SPATC1: variants seen among roughly 807,000 people sequenced by gnomAD.
SPATC1 encodes spermatogenesis and centriole associated 1.
A neutral mutation model predicts 36.5 loss-of-function variants in SPATC1; 35 were observed. That is an observed-to-expected ratio of 0.96 (90% CI 0.73 to 1.27). The LOEUF is 1.27. Ranked by LOEUF, SPATC1 falls within the 50% of genes most tolerant of loss-of-function variation. SPATC1 has a pLI of 0.00. For synonymous variants in SPATC1, 361 were observed against 353.6 expected, an observed-to-expected ratio of 1.02 and a Z score of -0.24; for missense variants, 779 against 796.0, an observed-to-expected ratio of 0.98 and a Z score of 0.26.
chr8:144,032,581 A>G (rs1469408105), intron 1 of SPATC1, among the ~76,000 whole-genome samples: 4 of 151,720 alleles, frequency 2.6e-5, no homozygotes, highest in Non-Finnish European at 4.4e-5. Flanking sequence ...TGGCATTTTG[A>G]ATGCTTTTTA....
intron 1 of SPATC1, among the ~76,000 whole-genome samples, chr8:144,024,838 T>TAAGGACCTTCTC (rs1834642290): frequency 2.1e-5 from 3 of 144,172 alleles, no homozygotes; most frequent in African/African-American, 5.5e-5. Context: ...AGGACCCTCT[T>TAAGGACCTTCTC]TCCTGAGGAA....
At chr8:144,036,564 T>C (rs925542503) in intron 1 of SPATC1, among the ~76,000 whole-genome samples, 5 of 152,202 alleles carry the variant, frequency 3.3e-5, no homozygotes, top group African/African-American at 9.6e-5. Context: ...ACTCAAGCAA[T>C]CTGCCCATCT....
intron 1 of SPATC1, among the ~76,000 whole-genome samples, chr8:144,027,420 C>A (rs1483340724): frequency 2.0e-5 from 3 of 152,084 alleles, no homozygotes; most frequent in Non-Finnish European, 4.4e-5. Context: ...TTAATAATGT[C>A]TTTTGAAACA....
intron 1 of SPATC1, among the ~76,000 whole-genome samples, chr8:144,038,594 C>G (rs1230927799): frequency 4.6e-5 from 7 of 151,928 alleles, no homozygotes; most frequent in Non-Finnish European, 8.8e-5. Context: ...CCCACCTCAG[C>G]CTCCCGAGTA....
At chr8:144,014,010 G>A (rs1430074784) in intron 1 of SPATC1, among the ~76,000 whole-genome samples, 4 of 152,098 alleles carry the variant, frequency 2.6e-5, no homozygotes, top group Admixed American at 2.6e-4. Flanking sequence ...CAGCACTTTG[G>A]GAGGCCAAGG....
chr8:144,011,762 C>T (rs1554752518), upstream of SPATC1, among the ~76,000 whole-genome samples: 1 of 151,948 alleles, frequency 6.6e-6, no homozygotes, highest in African/African-American at 2.4e-5. The surrounding 1 kb of genome is among the most constrained non-coding windows in gnomAD (Gnocchi z 4.5). Flanking sequence ...GAGAAGGCAA[C>T]GACGGGAGAT....
At chr8:144,031,723 C>CTTTTTTTTTTTTTTTTTTT (rs1240016643) in intron 1 of SPATC1, among the ~76,000 whole-genome samples, 2 of 129,036 alleles carry the variant, frequency 1.5e-5, no homozygotes, top group African/African-American at 2.9e-5. Context: ...TTCTTTCTTT[C>CTTTTTTTTTTTTTTTTTTT]TTTTTTTTTT....
chr8:144,037,207 C>T (rs1356546871), intron 1 of SPATC1, among the ~76,000 whole-genome samples: 2 of 141,776 alleles, frequency 1.4e-5, no homozygotes, highest in African/African-American at 2.7e-5. Context: ...GGGGTCAGCC[C>T]CCCGCCCAGC....
chr8:144,046,790 A>C lies in SPATC1; in HGVS notation c.1610A>C (p.Glu537Ala). ...QLVNAYGILRERPELAASEGG... is the reference protein window; with the variant it reads ...QLVNAYGILRARPELAASEGG... The stretch of plus-strand genomic sequence containing the variant: ...GTGAACGCTTATGGCATCCTGCGAG[A>C]GCGCCCGGAGCTGGCGGCGTCTGAG... Residue 537 changes from glutamate to alanine, a missense_variant, in exon 5 of 5, where the codon GAG (glutamate) becomes GCG (alanine). Physicochemically the swap from Glu to Ala is moderately radical, Grantham distance 107. Transcript: ENST00000377470. The surrounding 1 kb of genome is among the most constrained non-coding windows in gnomAD (Gnocchi z 6.6). 2 of 1,608,640 alleles carry C rather than the reference A, an allele frequency of 1.2e-6. No homozygotes were observed.
In SPATC1 at chr8:144,012,547, G is replaced by C. The variant is rs903886286; in HGVS notation, c.32G>C (p.Arg11Pro). ...CTACTCACCAATTATGAAGGGCTTC[G>C]GCATCAGATAGAGAGGCTGGTGCGG... The part of the protein sequence containing the change: MSLLTNYEGL[R>P]HQIERLVREN... Residue 11 changes from arginine (R) to proline (P), a missense_variant, in exon 1 of 5, where the codon CGG (arginine) becomes CCG (proline). Transcript: ENST00000377470. The C allele has an allele frequency of 6.4e-7, 1 of 1,551,648 alleles. No homozygotes were observed. Among genetic ancestry groups the C allele is most frequent in the East Asian group, 2.4e-5 (1 of 40,928 alleles).
upstream of SPATC1, among the ~76,000 whole-genome samples, chr8:144,012,108 G>T (rs1554752541): frequency 6.6e-6 from 1 of 152,366 alleles, no homozygotes; most frequent in Middle Eastern, 3.4e-3. Flanking sequence ...TGTAAAGCCA[G>T]TGGACAATGT....
In SPATC1 at chr8:144,040,534, C is replaced by T. The variant is rs782812609; in HGVS notation, c.767-34C>T. 1.9e-6 allele frequency: 3 copies of T among 1,563,272 alleles called. No individual in the cohort carries two copies. In the Admixed American group the frequency reaches 5.6e-5, roughly 29 times the overall value. On this transcript the variant is annotated intron_variant, in intron 2 of 4. Coordinates refer to ENST00000377470, the MANE Select transcript of SPATC1 (RefSeq NM_198572.3). ...AGCCCTCCCACCTCACTCTAATCCC[C>T]CTTTTTTTATTTCTGTTCCCTCCAC...
At chr8:144,030,786 AT>A in intron 1 of SPATC1, among the ~76,000 whole-genome samples, 1 of 151,012 alleles carries the variant, frequency 6.6e-6, no homozygotes, top group East Asian at 1.9e-4. Context: ...TTTCCTGTAC[AT>A]TTTAAAGTTA....
At chr8:144,011,954 T>C (rs1834288364), upstream of SPATC1, among the ~76,000 whole-genome samples, 1 of 152,088 alleles carries the variant, frequency 6.6e-6, no homozygotes, top group East Asian at 1.9e-4. This position sits in a 1 kb window ranked among gnomAD's most constrained non-coding sequence, Gnocchi z 4.5. Flanking sequence ...ATGTTCAAGA[T>C]CACCAAGAAG....
chr8:144,030,154 A>G (rs1834765585), intron 1 of SPATC1, among the ~76,000 whole-genome samples: 1 of 151,956 alleles, frequency 6.6e-6, no homozygotes, highest in African/African-American at 2.4e-5. Context: ...ATCTTTTTTT[A>G]CCCCTTCACT....
chr8:144,046,660 G>A lies in SPATC1; in HGVS notation c.1480G>A (p.Glu494Lys), dbSNP rs1483048077. The A allele has an allele frequency of 3.7e-6, 6 of 1,611,492 alleles. No homozygotes were observed. The highest frequency in any genetic ancestry group is 2.2e-5 in the East Asian group (1 of 44,868). Reference sequence around the variant, plus strand: ...GAACCCCAGTGACCACAAGCTGGATGAGAAGCTGTGCCAGAGGCTCACACA... The same window carrying A: ...GAACCCCAGTGACCACAAGCTGGATAAGAAGCTGTGCCAGAGGCTCACACA... ...SLNPSDHKLD[E>K]KLCQRLTQRY... is the part of the protein sequence containing the mutation. Residue 494 changes from glutamate to lysine, a missense_variant, in exon 5 of 5, where the codon GAG becomes AAG. Physicochemically the swap from Glu to Lys is moderately conservative, Grantham distance 56. Transcript: ENST00000377470. The surrounding 1 kb of genome is among the most constrained non-coding windows in gnomAD (Gnocchi z 6.6).
chr8:144,037,644 C>CA (rs1400686515), intron 1 of SPATC1, among the ~76,000 whole-genome samples: 1 of 151,922 alleles, frequency 6.6e-6, no homozygotes, highest in East Asian at 1.9e-4. Flanking sequence ...TCCCTAATCT[C>CA]AAGTACCCAG....
At position 144,040,732 on chromosome 8, in the gene SPATC1, A is replaced by C. The variant is rs782041859; in HGVS notation, c.931A>C (p.Ser311Arg). 1.3e-5 allele frequency: 21 copies of C among 1,612,854 alleles called. No individual in the cohort carries two copies. Among genetic ancestry groups the C allele is most frequent in the Non-Finnish European group, 1.8e-5 (21 of 1,179,788 alleles). Residue 311 changes from serine to arginine, a missense_variant, in exon 3 of 5, where the codon AGT (serine) becomes CGT (arginine). Physicochemically the swap from Ser to Arg is moderately radical, Grantham distance 110. Transcript: ENST00000377470. The stretch of plus-strand genomic sequence containing the variant: ...CACTTCGGACACACAGGCCCAGCCC[A>C]GTGCCGCCCAGGAACAAGTGGTCCC... ...FNTSDTQAQP[S>R]AAQEQVVPAS...
chr8:144,015,343 G>A (rs531868037), intron 1 of SPATC1, among the ~76,000 whole-genome samples: 12 of 151,286 alleles, frequency 7.9e-5, no homozygotes, highest in Non-Finnish European at 1.8e-4. Context: ...GAGCCACCAC[G>A]CCCAGCACAG....
Sources: gnomAD v4.1 joint callset for allele counts (sites outside exome capture counted in the v4.1 genomes callset) on GRCh38, gnomAD v4.1.1 for gene constraint, Gnocchi (gnomAD v3.1) non-coding constraint, MANE v1.5 for transcripts, NCBI Gene and HGNC (gene_info 2026-07-23, HGNC 2026-07-21) for gene names.